The following PDE8B variants were observed in gnomAD, a reference collection of about 807,000 sequenced individuals.
The protein encoded by PDE8B is phosphodiesterase 8B.
A neutral mutation model predicts 101.3 loss-of-function variants in PDE8B; 26 were observed. That is an observed-to-expected ratio of 0.26 (90% CI 0.19 to 0.36). PDE8B has a LOEUF of 0.36. Among genes scored for constraint, PDE8B ranks in the 10% least tolerant of loss-of-function variants. The pLI, the probability that PDE8B is intolerant of heterozygous loss-of-function variation, is 1.00. For synonymous variants in PDE8B, 424 were observed against 429.3 expected, an observed-to-expected ratio of 0.99 and a Z score of 0.15; for missense variants, 810 against 1,163.1, an observed-to-expected ratio of 0.70 and a Z score of 4.42.
At chr5:77,412,917 C>T (rs1794838593) in intron 16 of PDE8B, among the ~76,000 whole-genome samples, 194 bp from the exon 17 acceptor site, 1 of 152,112 alleles carries the variant, frequency 6.6e-6, no homozygotes, top group South Asian at 2.1e-4. Context: ...TACCATGAAG[C>T]ATCTAGTTCC....
the PDE8B span, among the ~76,000 whole-genome samples, chr5:77,091,478 A>G: frequency 2.0e-5 from 3 of 152,016 alleles, no homozygotes; most frequent in African/African-American, 7.2e-5. Context: ...CATCTCTACT[A>G]GAAAAATACA....
chr5:77,126,437 T>C, the PDE8B span, among the ~76,000 whole-genome samples: 2 of 152,168 alleles, frequency 1.3e-5, no homozygotes, highest in Admixed American at 6.5e-5. Context: ...CAAACTTTAT[T>C]TTTTTTGAGA....
chr5:77,173,155 C>T, the PDE8B span, among the ~76,000 whole-genome samples: 1 of 152,138 alleles, frequency 6.6e-6, no homozygotes, highest in Non-Finnish European at 1.5e-5. Context: ...AAGTGGGTGT[C>T]TGGGTTGGAA....
intron 1 of PDE8B, among the ~76,000 whole-genome samples, chr5:77,217,801 G>T (rs1025765670): frequency 6.6e-6 from 1 of 152,158 alleles, no homozygotes; most frequent in Non-Finnish European, 1.5e-5. Flanking sequence ...CCCCCAAAGT[G>T]CTGGGATTAC....
intron 10 of PDE8B, among the ~76,000 whole-genome samples, chr5:77,376,687 A>G (rs1194818293): frequency 6.6e-6 from 1 of 152,208 alleles, no homozygotes; most frequent in East Asian, 1.9e-4. Context: ...CTTAGGACAC[A>G]CAGTGATAAA....
chr5:77,126,990 T>G, the PDE8B span, among the ~76,000 whole-genome samples: 3 of 152,182 alleles, frequency 2.0e-5, no homozygotes, highest in African/African-American at 7.2e-5. Context: ...AGTGTATTGC[T>G]ACAGGTATCC....
upstream of PDE8B, among the ~76,000 whole-genome samples, chr5:77,209,601 G>C (rs185471039): frequency 2.6e-5 from 4 of 152,286 alleles, no homozygotes; most frequent in Non-Finnish European, 5.9e-5. Context: ...AGGGAAGGAT[G>C]AACAGCAGCC....
At chr5:77,256,509 T>TG (rs1473572488) in intron 1 of PDE8B, among the ~76,000 whole-genome samples, 1 of 152,234 alleles carries the variant, frequency 6.6e-6, no homozygotes, top group African/African-American at 2.4e-5. Flanking sequence ...CTTGTAATGA[T>TG]GAACATTTAG....
Position 77,226,700 on chromosome 5 carries a change from A to G in PDE8B, c.339+15436A>G, listed in dbSNP as rs529530204. On this transcript the variant is annotated intron_variant, in intron 1 of 21. Coordinates refer to ENST00000264917, the MANE Select transcript of PDE8B (RefSeq NM_003719.5). ...TCCTTGGACTCTTTAGTTGTTTAGT[A>G]ATTGTAAAATAGTAATATAGTTTTA... Among the ~76,000 whole-genome samples, 6 of 152,336 alleles carry G rather than the reference A, an allele frequency of 3.9e-5. No homozygotes were observed. In the South Asian group the frequency reaches 8.3e-4, roughly 21 times the overall value.
intron 1 of PDE8B, among the ~76,000 whole-genome samples, chr5:77,308,958 C>G (rs972023503): frequency 6.6e-6 from 1 of 152,108 alleles, no homozygotes; most frequent in African/African-American, 2.4e-5. Context: ...GCGGGCAGAT[C>G]ACCCGAGGTC....
intron 10 of PDE8B, among the ~76,000 whole-genome samples, chr5:77,380,581 AAC>A (rs1209406531): frequency 6.6e-6 from 1 of 152,228 alleles, no homozygotes; most frequent in Non-Finnish European, 1.5e-5. Context: ...AATTATTAAT[AAC>A]AGTGTTTTCA....
intron 10 of PDE8B, among the ~76,000 whole-genome samples, chr5:77,395,474 TTC>T (rs1439918584): frequency 1.3e-5 from 2 of 149,606 alleles, no homozygotes; most frequent in Non-Finnish European, 3.0e-5. Context: ...GACTCTCCCT[TTC>T]TGTTTTTCTT....
chr5:77,296,972 C>T (rs1177221123), intron 1 of PDE8B, among the ~76,000 whole-genome samples: 1 of 152,154 alleles, frequency 6.6e-6, no homozygotes, highest in Non-Finnish European at 1.5e-5. Flanking sequence ...GTGTCACTCT[C>T]CCTGAGCTTC....
chr5:77,164,789 G>C, the PDE8B span, among the ~76,000 whole-genome samples: 3 of 152,198 alleles, frequency 2.0e-5, no homozygotes, highest in Admixed American at 2.0e-4. Context: ...TGGTGGGGAA[G>C]GGACACAGCA....
At chr5:77,171,142 G>A in the PDE8B span, among the ~76,000 whole-genome samples, 19 of 152,282 alleles carry the variant, frequency 1.2e-4, no homozygotes, top group South Asian at 1.2e-3. Flanking sequence ...TTACGAAGGC[G>A]AATTCATTTG....
chr5:77,424,797 G>C (rs549089274), intron 20 of PDE8B, among the ~76,000 whole-genome samples: 1 of 150,562 alleles, frequency 6.6e-6, no homozygotes, highest in South Asian at 2.1e-4. Context: ...TAATTCTCAA[G>C]TGAAACTGGT....
chr5:77,229,536 A>C (rs1364071697), intron 1 of PDE8B, among the ~76,000 whole-genome samples: 1 of 152,226 alleles, frequency 6.6e-6, no homozygotes, highest in African/African-American at 2.4e-5. Context: ...TGCTAATTCT[A>C]GATAATTTCT....
intron 10 of PDE8B, among the ~76,000 whole-genome samples, chr5:77,359,860 G>A (rs1452422660): frequency 6.6e-6 from 1 of 152,182 alleles, no homozygotes; most frequent in Admixed American, 6.5e-5. Flanking sequence ...CACTTAGGGA[G>A]GCCAAGGCAG....
At chr5:77,140,476 A>T in the PDE8B span, 2 of 152,208 alleles carry the variant, frequency 1.3e-5, no homozygotes, top group East Asian at 1.9e-4. Flanking sequence ...GGCTACAGTG[A>T]CATTAGCCCC....
Sources: allele counts gnomAD v4.1 joint callset (sites outside exome capture counted in the v4.1 genomes callset), GRCh38; gene constraint gnomAD v4.1.1; transcripts MANE v1.5; gene names NCBI Gene and HGNC (gene_info 2026-07-23, HGNC 2026-07-21).